Variants in PCLO observed in about 807,000 individuals in gnomAD.
PCLO encodes the protein piccolo presynaptic cytomatrix protein, also known as protein piccolo.
Under a neutral mutation model 427.5 loss-of-function variants are expected in PCLO, and 82 were observed. That is an observed-to-expected ratio of 0.19 (90% CI 0.16 to 0.23). The LOEUF (loss-of-function observed/expected upper bound fraction) is 0.23. PCLO is among the 10% of genes least tolerant of loss of function. PCLO has a pLI of 1.00. For synonymous variants in PCLO, 2,357 were observed against 2,155.4 expected, an observed-to-expected ratio of 1.09 and a Z score of -2.59; for missense variants, 6,239 against 6,115.9, an observed-to-expected ratio of 1.02 and a Z score of -0.67.
In PCLO at chr7:82,761,342, A is replaced by G. The variant is rs1436156232; in HGVS notation, c.15142+17T>C. 3 of 1,347,750 alleles carry G rather than the reference A, an allele frequency of 2.2e-6. No individual in the cohort carries two copies. The highest frequency in any genetic ancestry group is 2.9e-5 in the African/African-American group (2 of 68,554). 83.5% of individuals were successfully genotyped at this position (1,347,750 alleles called of 1,614,324 possible). Reference sequence around the variant, plus strand: ...AAAAAATCTAGATATATTGATGATTATAATAGAATTAGATACCTGGTAGAT... The same window carrying G: ...AAAAAATCTAGATATATTGATGATTGTAATAGAATTAGATACCTGGTAGAT... On this transcript the variant is annotated intron_variant, in intron 23 of 24. Coordinates refer to ENST00000333891, the MANE Select transcript of PCLO (RefSeq NM_033026.6).
intron 4 of PCLO, 85 bp from the exon 5 acceptor site, chr7:82,957,020 G>T (rs1196816003): frequency 2.2e-6 from 3 of 1,336,354 alleles, no homozygotes; most frequent in Non-Finnish European, 2.9e-6. Context: ...ATAACTATTA[G>T]GAACTGAAAA....
chr7:82,929,310 G>T (rs1450021044), intron 6 of PCLO, among the ~76,000 whole-genome samples: 1 of 152,092 alleles, frequency 6.6e-6, no homozygotes, highest in Non-Finnish European at 1.5e-5. Flanking sequence ...TTATTAGAGA[G>T]GAACTATTAA....
At chr7:83,147,179 T>C (rs537952416) in intron 2 of PCLO, among the ~76,000 whole-genome samples, 3 of 152,076 alleles carry the variant, frequency 2.0e-5, no homozygotes, top group African/African-American at 7.2e-5. Context: ...ATCCAGGGAA[T>C]ATCCAAATCA....
intron 3 of PCLO, among the ~76,000 whole-genome samples, chr7:83,114,061 T>A (rs1049048367): frequency 5.3e-5 from 8 of 152,116 alleles, no homozygotes; most frequent in Non-Finnish European, 7.4e-5. Flanking sequence ...ACCAAATAAC[T>A]AAGTCTCCAT....
At chr7:82,888,867 A>G (rs1228020742) in intron 9 of PCLO, among the ~76,000 whole-genome samples, 1 of 152,148 alleles carries the variant, frequency 6.6e-6, no homozygotes, top group Non-Finnish European at 1.5e-5. Flanking sequence ...ATTGTGATCT[A>G]AAGGCTATAG....
intron 15 of PCLO, among the ~76,000 whole-genome samples, chr7:82,837,645 C>T (rs1430680094): frequency 2.6e-5 from 4 of 151,894 alleles, no homozygotes; most frequent in Admixed American, 1.3e-4. Context: ...TTATACATCA[C>T]ACAAGAGATT....
At chr7:82,836,503 G>C (rs928560471) in intron 15 of PCLO, among the ~76,000 whole-genome samples, 1 of 152,038 alleles carries the variant, frequency 6.6e-6, no homozygotes, top group Non-Finnish European at 1.5e-5. Flanking sequence ...CCTATACTAT[G>C]TGACTATTGG....
At chr7:82,871,944 C>T (rs1320795355) in intron 10 of PCLO, among the ~76,000 whole-genome samples, 2 of 151,694 alleles carry the variant, frequency 1.3e-5, no homozygotes, top group Non-Finnish European at 2.9e-5. Flanking sequence ...CTACTTTGGA[C>T]CACAGATACA....
intron 9 of PCLO, among the ~76,000 whole-genome samples, chr7:82,897,647 T>A (rs1793938518): frequency 6.6e-6 from 1 of 151,486 alleles, no homozygotes. Context: ...GTGTTCACTC[T>A]ATTAATCTAG....
intron 22 of PCLO, among the ~76,000 whole-genome samples, chr7:82,773,873 A>C (rs983858679): frequency 6.6e-6 from 1 of 152,150 alleles, no homozygotes; most frequent in African/African-American, 2.4e-5. Flanking sequence ...AAGAAATCTG[A>C]AGGTAAGAGG....
chr7:82,944,682 C>A (rs578010864), intron 6 of PCLO, among the ~76,000 whole-genome samples: 1 of 152,210 alleles, frequency 6.6e-6, no homozygotes, highest in South Asian at 2.1e-4. Flanking sequence ...GTTACCGGAA[C>A]TTTTGAGAAT....
chr7:83,053,966 T>C (rs757415384), intron 3 of PCLO, among the ~76,000 whole-genome samples: 11 of 151,988 alleles, frequency 7.2e-5, no homozygotes, highest in South Asian at 2.1e-4. Context: ...AAACAAATTC[T>C]TGTAGACCAT....
intron 3 of PCLO, among the ~76,000 whole-genome samples, chr7:83,118,570 C>T (rs1398810388): frequency 2.0e-5 from 3 of 152,046 alleles, no homozygotes; most frequent in Admixed American, 2.0e-4. Flanking sequence ...TTGTAGGACC[C>T]TGCATTGGAA....
chr7:82,947,801 A>C (rs1174151273), intron 6 of PCLO, among the ~76,000 whole-genome samples: 1 of 152,162 alleles, frequency 6.6e-6, no homozygotes, highest in Non-Finnish European at 1.5e-5. Flanking sequence ...TCAGTAATAC[A>C]ACCTTTACAA....
rs1795775205 is a variant in PCLO at position 82,966,384 on chromosome 7, G to A, written c.3404C>T (p.Ser1135Phe). The change falls in exon 4 of 25, where the codon TCT becomes TTT. Residue 1135 changes from serine to phenylalanine, a missense_variant. Physicochemically the swap from Ser to Phe is radical, Grantham distance 155. This residue lies in a region of PCLO where 4,677 missense variants were observed against 4,468.4 expected (regional missense o/e 1.05). Transcript: ENST00000333891. ...TGATTCTGTAGGAACAGGCATAGGA[G>A]ATGCTTTGGGTCCTGATGGTGCAGG... ...MPPAPSGPKA[S>F]PMPVPTESSS... 1 of 1,613,744 alleles carries A rather than the reference G, an allele frequency of 6.2e-7. No individual in the cohort carries two copies. Among genetic ancestry groups the A allele is most frequent in the Non-Finnish European group, 8.5e-7 (1 of 1,179,724 alleles).
chr7:82,829,708 T>C lies in PCLO; in HGVS notation c.14250-1742A>G, dbSNP rs546949392. Among the ~76,000 whole-genome samples, 20 of 152,276 alleles carry C rather than the reference T, an allele frequency of 1.3e-4. No homozygotes were observed. The South Asian group carries it at 2.3e-3, about 17-fold the overall frequency. Reference sequence around the variant, plus strand: ...ATATCTAGTGAAGTTTAAGTTTATATACCCAAACATCCAAATATTCAATTT... The same window carrying C: ...ATATCTAGTGAAGTTTAAGTTTATACACCCAAACATCCAAATATTCAATTT... On this transcript the variant is annotated intron_variant, in intron 16 of 24. Transcript: ENST00000333891.
At chr7:83,045,334 C>G (rs1344796331) in intron 3 of PCLO, among the ~76,000 whole-genome samples, 1 of 152,136 alleles carries the variant, frequency 6.6e-6, no homozygotes, top group Non-Finnish European at 1.5e-5. Context: ...CACGAATGCA[C>G]TTTCCTTATG....
At chr7:82,865,910 A>T (rs1793080576) in intron 10 of PCLO, among the ~76,000 whole-genome samples, 1 of 152,102 alleles carries the variant, frequency 6.6e-6, no homozygotes. Context: ...AGTAAGAGTG[A>T]TCCTATTTAA....
At chr7:83,109,509 T>G (rs1790948919) in intron 3 of PCLO, among the ~76,000 whole-genome samples, 1 of 152,184 alleles carries the variant, frequency 6.6e-6, no homozygotes. Context: ...TAGTTGATCT[T>G]TCCAGCTGTC....
Sources: gnomAD v4.1 joint callset for allele counts (sites outside exome capture counted in the v4.1 genomes callset) on GRCh38, gnomAD v4.1.1 for gene constraint, gnomAD v4.1.1 regional missense constraint, MANE v1.5 for transcripts, NCBI Gene and HGNC (gene_info 2026-07-23, HGNC 2026-07-21) for gene names.